CCDC83: variants seen among roughly 807,000 people sequenced by gnomAD.
The protein encoded by CCDC83 is coiled-coil domain containing 83.
CCDC83 carries 54 observed loss-of-function variants against 50.1 expected under a neutral mutation model. That is an observed-to-expected ratio of 1.08 (90% CI 0.87 to 1.35). CCDC83 has a LOEUF of 1.35. Among genes scored for constraint, CCDC83 ranks in the 40% most tolerant of loss-of-function variants. The pLI, the probability that CCDC83 is intolerant of heterozygous loss-of-function variation, is 0.00. For missense variants in CCDC83, 518 were observed against 473.9 expected, an observed-to-expected ratio of 1.09 and a Z score of -0.86; for synonymous variants, 161 against 153.3, an observed-to-expected ratio of 1.05 and a Z score of -0.37.
chr11:85,912,495 A>C (rs941184041), intron 8 of CCDC83, among the ~76,000 whole-genome samples: 10 of 152,160 alleles, frequency 6.6e-5, no homozygotes, highest in Non-Finnish European at 1.2e-4. Flanking sequence ...AGTAGATACC[A>C]ATATAGATGA....
rs1201619027 is a variant in CCDC83 at position 85,916,020 on chromosome 11, T to A, written c.875-8T>A. ...TATACATAATTAATTCCTTTGTATT[T>A]ATCCAAGAAGAGAAGTCAGAATTGC... On this transcript the variant is annotated splice_polypyrimidine_tract_variant and splice_region_variant and intron_variant, in intron 9 of 10. Transcript: ENST00000342404. The A allele has an allele frequency of 1.3e-6, 2 of 1,574,106 alleles. No individual in the cohort carries two copies. The highest frequency in any genetic ancestry group is 1.7e-6 in the Non-Finnish European group (2 of 1,147,470).
In CCDC83 at chr11:85,887,145, G is replaced by A. The variant is rs556655854; in HGVS notation, c.511+778G>A. Among the ~76,000 whole-genome samples the A allele has an allele frequency of 3.3e-5, 5 of 152,188 alleles. No individual in the cohort carries two copies. In the East Asian group the frequency reaches 7.7e-4, roughly 23 times the overall value. ...AAAAACTGGGGAACAAACATGAGAT[G>A]AGAAGTGGAGAGGCTATAGAGTAGG... On this transcript the variant is annotated intron_variant, in intron 5 of 10. Coordinates refer to ENST00000342404, the MANE Select transcript of CCDC83 (RefSeq NM_001286159.2).
rs145785361 is a variant in CCDC83, at chr11:85,894,391, A to G, written c.512-902A>G. On this transcript the variant is annotated intron_variant, in intron 5 of 10. Transcript: ENST00000342404. ...CATAAATAAAGCACAACTAATGGGA[A>G]CATATAACACAGAAGTAATAAAACA... Among the ~76,000 whole-genome samples the G allele has an allele frequency of 3.4e-3, 522 of 152,298 alleles. 4 individuals carry two copies. Among genetic ancestry groups the G allele is most frequent in the African/African-American group, 0.012 (494 of 41,558 alleles).
Position 85,909,609 on chromosome 11 carries a change from C to CTTTTTTTT in CCDC83, c.673-1648_673-1641dup, listed in dbSNP as rs71468972. 1.2e-3 allele frequency among the ~76,000 whole-genome samples: 68 copies of CTTTTTTTT among 57,726 alleles called. 15 individuals are homozygous for CTTTTTTTT. Among genetic ancestry groups the CTTTTTTTT allele is most frequent in the African/African-American group, 3.4e-3 (47 of 13,840 alleles). The allele number at this position is 57,726 out of a possible 152,430, so 37.9% of individuals were successfully genotyped here. A position where few individuals can be genotyped will look rare whatever the true frequency, so the allele number is the denominator to read the frequency against. On this transcript the variant is annotated intron_variant, in intron 7 of 10. Coordinates refer to ENST00000342404, the MANE Select transcript of CCDC83 (RefSeq NM_001286159.2). ...TTTGGACAAAAGTCATCAAAATACA[C>CTTTTTTTT]TTTTTTTTTTTTTTTTTTTTTTTTT...
At chr11:85,891,879 T>G (rs181745966) in intron 5 of CCDC83, among the ~76,000 whole-genome samples, 105 of 152,256 alleles carry the variant, frequency 6.9e-4, no homozygotes, top group African/African-American at 2.4e-3. Context: ...GAACAGGGAT[T>G]TGAACCTAGG....
At chr11:85,911,866 C>T (rs868511554) in intron 8 of CCDC83, among the ~76,000 whole-genome samples, 16 of 151,840 alleles carry the variant, frequency 1.1e-4, no homozygotes, top group South Asian at 1.0e-3. Flanking sequence ...CTCTGTAGGC[C>T]GAGAAAAGGG....
chr11:85,906,479 A>G (rs2093426168), intron 7 of CCDC83, among the ~76,000 whole-genome samples: 1 of 152,212 alleles, frequency 6.6e-6, no homozygotes, highest in Non-Finnish European at 1.5e-5. Context: ...GACTCTTCCT[A>G]CTGAAGCCAG....
At chr11:85,899,073 T>C in intron 7 of CCDC83, 58 bp downstream of exon 7, 1 of 1,279,208 alleles carries the variant, frequency 7.8e-7, no homozygotes, top group Non-Finnish European at 1.1e-6. Context: ...TAAGTGGAAA[T>C]GACTTTTAAT....
At chr11:85,861,694 C>T (rs896208426) in intron 1 of CCDC83, among the ~76,000 whole-genome samples, 3 of 152,092 alleles carry the variant, frequency 2.0e-5, no homozygotes, top group African/African-American at 4.8e-5. Flanking sequence ...TGGATATTCA[C>T]GCCTTCACAA....
chr11:85,916,425 T>C, intron 10 of CCDC83, 192 bp downstream of exon 10: 1 of 573,832 alleles, frequency 1.7e-6, no homozygotes, highest in Non-Finnish European at 3.1e-6. Context: ...ATTTGCTACC[T>C]ATATTCCTCT....
chr11:85,871,925 C>T (rs545971978), intron 2 of CCDC83, among the ~76,000 whole-genome samples: 2 of 152,124 alleles, frequency 1.3e-5, no homozygotes, highest in Non-Finnish European at 2.9e-5. Context: ...TATAGTGATA[C>T]AAGATATACT....
chr11:85,907,747 A>G (rs917456129), intron 7 of CCDC83, among the ~76,000 whole-genome samples: 1 of 152,172 alleles, frequency 6.6e-6, no homozygotes, highest in Non-Finnish European at 1.5e-5. Context: ...GCTATTGAGG[A>G]GCACATTACT....
intron 3 of CCDC83, among the ~76,000 whole-genome samples, chr11:85,881,656 T>A (rs553955140): frequency 1.3e-5 from 2 of 152,256 alleles, no homozygotes; most frequent in Non-Finnish European, 2.9e-5. Context: ...TGGCCTCAAG[T>A]AATCCCCCCA....
chr11:85,856,394 T>C (rs1304134822), intron 1 of CCDC83, among the ~76,000 whole-genome samples: 1 of 152,182 alleles, frequency 6.6e-6, no homozygotes, highest in Non-Finnish European at 1.5e-5. Context: ...TTTTCCCTTA[T>C]CCTCATAATA....
At chr11:85,903,958 C>T (rs115245731) in intron 7 of CCDC83, among the ~76,000 whole-genome samples, 2,872 of 151,480 alleles carry the variant, frequency 0.019, 77 homozygotes, top group African/African-American at 0.066. Flanking sequence ...CACAGCGAGA[C>T]TCTGTCTTAA....
chr11:85,885,240 A>T (rs1565143353), intron 4 of CCDC83, among the ~76,000 whole-genome samples: 1 of 152,150 alleles, frequency 6.6e-6, no homozygotes, highest in Admixed American at 6.5e-5. Flanking sequence ...TATCTTGTGT[A>T]CATCTTTGGA....
At position 85,911,391 on chromosome 11, in the gene CCDC83, C is replaced by G; in HGVS notation, c.783C>G (p.Leu261=). 6.3e-7 allele frequency: 1 copy of G among 1,593,418 alleles called. No individual in the cohort carries two copies. The highest frequency in any genetic ancestry group is 8.5e-7 in the Non-Finnish European group (1 of 1,171,734). ...TATCCAACTGTAGACTTGTGGATCTCAAGATACCCAGGTGAAAATTGTTAA... is the reference window on the plus strand; with the variant it reads ...TATCCAACTGTAGACTTGTGGATCTGAAGATACCCAGGTGAAAATTGTTAA... ...DQLSNCRLVD[L]KIPRRLYLTQ... is the part of the protein sequence containing the mutation. Residue 261 remains leucine (L), a synonymous_variant, in exon 8 of 11, where the codon CTC becomes CTG. Coordinates refer to ENST00000342404, the MANE Select transcript of CCDC83 (RefSeq NM_001286159.2).
intron 5 of CCDC83, among the ~76,000 whole-genome samples, chr11:85,889,936 G>T (rs11828161): frequency 6.6e-6 from 1 of 152,140 alleles, no homozygotes; most frequent in Non-Finnish European, 1.5e-5. Context: ...AACCAGTTTC[G>T]CACCTTTGAT....
At chr11:85,918,047 A>G (rs1207632953) in intron 10 of CCDC83, 2 of 152,220 alleles carry the variant, frequency 1.3e-5, no homozygotes, top group Non-Finnish European at 2.9e-5. Context: ...TCACAGCTAC[A>G]TATTTTGAAA....
Sources: gnomAD v4.1 joint callset for allele counts (sites outside exome capture counted in the v4.1 genomes callset) on GRCh38, gnomAD v4.1.1 for gene constraint, MANE v1.5 for transcripts, NCBI Gene and HGNC (gene_info 2026-07-23, HGNC 2026-07-21) for gene names.